MAMDC2: variants seen among roughly 807,000 people sequenced by gnomAD.
The protein encoded by MAMDC2 is MAM domain containing 2, also known as MAM domain-containing protein 2.
A neutral mutation model predicts 89.8 loss-of-function variants in MAMDC2; 57 were observed. The observed-to-expected ratio is 0.63, with a 90% confidence interval of 0.51 to 0.79. MAMDC2 has a LOEUF of 0.79. MAMDC2 is among the 30% of genes least tolerant of loss of function. The pLI is 0.00. For missense variants in MAMDC2, 800 were observed against 820.6 expected (o/e 0.97, Z 0.31); for synonymous variants, 313 against 293.4 (o/e 1.07, Z -0.68).
intron 11 of MAMDC2, among the ~76,000 whole-genome samples, chr9:70,197,859 G>A (rs1206911460): frequency 6.6e-6 from 1 of 152,028 alleles, no homozygotes; most frequent in Non-Finnish European, 1.5e-5. Flanking sequence ...TGCTCCTTCT[G>A]ATGTATCCTT....
At chr9:70,186,960 C>T (rs2032769645) in intron 11 of MAMDC2, among the ~76,000 whole-genome samples, 1 of 152,154 alleles carries the variant, frequency 6.6e-6, no homozygotes, top group Admixed American at 6.6e-5. Flanking sequence ...ACTCCCATGA[C>T]CCAAACATCT....
At chr9:70,101,424 C>A (rs796956758) in intron 2 of MAMDC2, among the ~76,000 whole-genome samples, 4 of 152,252 alleles carry the variant, frequency 2.6e-5, no homozygotes, top group African/African-American at 9.6e-5. Flanking sequence ...CAGTAGTGTA[C>A]AGTAATAGCC....
chr9:70,092,201 A>G (rs899614392), intron 2 of MAMDC2: 2 of 152,228 alleles, frequency 1.3e-5, no homozygotes, highest in African/African-American at 2.4e-5. Context: ...GGAGGAGAGT[A>G]AGCAGATAAG....
At chr9:70,110,769 A>G (rs955291039) in intron 4 of MAMDC2, among the ~76,000 whole-genome samples, 2 of 152,196 alleles carry the variant, frequency 1.3e-5, no homozygotes, top group Non-Finnish European at 2.9e-5. Flanking sequence ...GAAAATGCAT[A>G]GCAGGTGGGA....
chr9:70,057,758 C>T (rs549290538), intron 2 of MAMDC2, among the ~76,000 whole-genome samples: 3 of 152,238 alleles, frequency 2.0e-5, no homozygotes, highest in East Asian at 1.9e-4. Flanking sequence ...CAAAAGGCAC[C>T]GGATTTTAGA....
In MAMDC2 at chr9:70,125,447, C is replaced by T. The variant is rs544437857; in HGVS notation, c.644-712C>T. Among the ~76,000 whole-genome samples, 3 of 152,332 alleles carry T rather than the reference C, an allele frequency of 2.0e-5. No individual in the cohort carries two copies. The South Asian group carries it at 6.2e-4, about 32-fold the overall frequency. On this transcript the variant is annotated intron_variant, in intron 5 of 13. Coordinates refer to ENST00000377182, the MANE Select transcript of MAMDC2 (RefSeq NM_153267.5). ...ACCTCATTTCTCTTCAATGCTAAGTCAAGGCTGTCTCCATTCTGCCACATG... is the reference window on the plus strand; with the variant it reads ...ACCTCATTTCTCTTCAATGCTAAGTTAAGGCTGTCTCCATTCTGCCACATG...
Position 70,105,318 on chromosome 9 carries a change from C to T in MAMDC2, c.149-2893C>T, listed in dbSNP as rs188907894. ...TGATTGGTAGTGGTTACATGCAGCA[C>T]TATGTTTAGAAGGATTCTAAGGCTG... On this transcript the variant is annotated intron_variant, in intron 2 of 13. Coordinates refer to ENST00000377182, the MANE Select transcript of MAMDC2 (RefSeq NM_153267.5). Among the ~76,000 whole-genome samples the T allele has an allele frequency of 3.0e-4, 46 of 152,284 alleles. No homozygotes were observed. In the East Asian group the frequency reaches 8.3e-3, roughly 28 times the overall value.
chr9:70,150,491 GT>G (rs149120399), intron 9 of MAMDC2, among the ~76,000 whole-genome samples: 9,048 of 152,238 alleles, frequency 0.059, 301 homozygotes, highest in South Asian at 0.073. Flanking sequence ...AAGGTTCAGA[GT>G]TCAACCTGGG....
chr9:70,088,613 T>C (rs529453836), intron 2 of MAMDC2: 1 of 151,560 alleles, frequency 6.6e-6, no homozygotes, highest in African/African-American at 2.4e-5. Context: ...CATGTGGCCA[T>C]AGTTTTCTAT....
At chr9:70,050,273 G>A (rs1000958243) in intron 2 of MAMDC2, among the ~76,000 whole-genome samples, 1 of 152,204 alleles carries the variant, frequency 6.6e-6, no homozygotes, top group Non-Finnish European at 1.5e-5. Flanking sequence ...ATATATATTT[G>A]TTGAATGAAA....
chr9:70,065,876 A>G (rs1827251699), intron 2 of MAMDC2, among the ~76,000 whole-genome samples: 2 of 152,104 alleles, frequency 1.3e-5, no homozygotes, highest in Non-Finnish European at 2.9e-5. Context: ...TGTTTGCAGA[A>G]GTTTTAGTGG....
chr9:70,102,443 C>T (rs1828221181), intron 2 of MAMDC2, among the ~76,000 whole-genome samples: 1 of 152,154 alleles, frequency 6.6e-6, no homozygotes, highest in African/African-American at 2.4e-5. Flanking sequence ...TGGTGTGGGA[C>T]TTAGACCTAC....
chr9:70,060,754 C>A (rs1055062239), intron 2 of MAMDC2: 1 of 152,192 alleles, frequency 6.6e-6, no homozygotes, highest in Non-Finnish European at 1.5e-5. Context: ...GAGAGAAATC[C>A]TTAACTAATC....
chr9:70,089,583 G>C (rs1489979909), intron 2 of MAMDC2, among the ~76,000 whole-genome samples: 1 of 152,136 alleles, frequency 6.6e-6, no homozygotes, highest in African/African-American at 2.4e-5. Context: ...AGGGGAGTGG[G>C]GACTCTGGGT....
intron 11 of MAMDC2, among the ~76,000 whole-genome samples, chr9:70,193,020 T>TG (rs2032913900): frequency 6.6e-6 from 1 of 151,736 alleles, no homozygotes; most frequent in Non-Finnish European, 1.5e-5. Context: ...ATATTGAGGG[T>TG]GGGGGGTTCT....
intron 11 of MAMDC2, among the ~76,000 whole-genome samples, chr9:70,181,070 G>A (rs1209281179): frequency 6.6e-6 from 1 of 152,142 alleles, no homozygotes; most frequent in Non-Finnish European, 1.5e-5. Flanking sequence ...TTCTGCATAT[G>A]GCTAGCCAGT....
chr9:70,221,409 T>G (rs7469801), intron 12 of MAMDC2, among the ~76,000 whole-genome samples: 13 of 58,126 alleles, frequency 2.2e-4, no homozygotes, highest in South Asian at 7.5e-4. Flanking sequence ...AGAGAGAGAG[T>G]AACATCAGAT....
rs776665442 is a variant in MAMDC2, at chr9:70,140,239, G to A, written c.1089G>A (p.Val363=). ...QDKEGPGWTR[V]KVKPNMYRAG... ...AAGAAGGTCCAGGTTGGACCCGAGT[G>A]AAAGTAAAACCAAACATGTATCGGG... The change falls in exon 8 of 14, where the codon GTG becomes GTA. Residue 363 remains valine (V), a synonymous_variant. Transcript: ENST00000377182. The A allele has an allele frequency of 1.2e-6, 2 of 1,601,450 alleles. No individual in the cohort carries two copies. The highest frequency in any genetic ancestry group is 1.4e-5 in the African/African-American group (1 of 73,974).
chr9:70,106,368 T>C (rs1440099653), intron 2 of MAMDC2, among the ~76,000 whole-genome samples: 2 of 152,128 alleles, frequency 1.3e-5, no homozygotes, highest in Non-Finnish European at 2.9e-5. Flanking sequence ...CATGTCCAAC[T>C]CTCTACTTCT....
Sources: gnomAD v4.1 joint callset for allele counts (sites outside exome capture counted in the v4.1 genomes callset) on GRCh38, gnomAD v4.1.1 for gene constraint, MANE v1.5 for transcripts, NCBI Gene and HGNC (gene_info 2026-07-23, HGNC 2026-07-21) for gene names.